NR4A1: variants seen among roughly 807,000 people sequenced by gnomAD.
NR4A1 encodes the protein nuclear receptor subfamily 4 group A member 1, also known as nuclear receptor subfamily 4immunitygroup A member 1.
A neutral mutation model predicts 47.5 loss-of-function variants in NR4A1; 24 were observed. The ratio of observed to expected loss-of-function variants is 0.50; its 90% CI spans 0.37 to 0.71. The LOEUF (loss-of-function observed/expected upper bound fraction) is 0.71, where lower values mean the gene tolerates loss of function less well. Ranked by LOEUF, NR4A1 falls within the 30% of genes least tolerant of loss-of-function variation. The pLI, the probability that NR4A1 is intolerant of heterozygous loss-of-function variation, is 0.00. For synonymous variants in NR4A1, 353 were observed against 345.7 expected (o/e 1.02, Z -0.24); for missense variants, 669 against 788.6 (o/e 0.85, Z 1.82).
chr12:52,026,161 G>A (rs1937995227), intron 1 of NR4A1, among the ~76,000 whole-genome samples: 1 of 152,272 alleles, frequency 6.6e-6, no homozygotes, highest in South Asian at 2.1e-4. Context: ...GCTCGCTCAC[G>A]CGTTTGCTGT....
At chr12:52,056,743 G>A (rs1939292612) in intron 4 of NR4A1, 98 bp downstream of exon 4, 2 of 790,940 alleles carry the variant, frequency 2.5e-6, no homozygotes, top group Non-Finnish European at 1.8e-6. Context: ...AGGACTGAAT[G>A]AGAAAGGAGG....
intron 1 of NR4A1, among the ~76,000 whole-genome samples, chr12:52,033,386 C>T (rs79591354): frequency 0.015 from 2,341 of 152,354 alleles, 69 homozygotes; most frequent in African/African-American, 0.053. Context: ...CTTCGTAAAT[C>T]ACGCAGGCCT....
chr12:52,044,596 A>G (rs1424493182), intron 2 of NR4A1, among the ~76,000 whole-genome samples: 2 of 152,256 alleles, frequency 1.3e-5, no homozygotes, highest in Non-Finnish European at 2.9e-5. Context: ...AAACGAATCC[A>G]GAGCCTGTGA....
Position 52,054,319 on chromosome 12 carries a change from C to G in NR4A1, c.-2-8C>G. On this transcript the variant is annotated splice_polypyrimidine_tract_variant and splice_region_variant and intron_variant, in intron 1 of 6. Coordinates refer to ENST00000394825, the MANE Select transcript of NR4A1 (RefSeq NM_173157.3). ...CCTTTCCCTCCCTGGGGTCTCCTCT[C>G]TCTCCAGAGATGCCCTGTATCCAAG... 2 of 1,593,574 alleles carry G rather than the reference C, an allele frequency of 1.3e-6. No individual in the cohort carries two copies. Among genetic ancestry groups the G allele is most frequent in the Non-Finnish European group, 1.7e-6 (2 of 1,167,584 alleles).
chr12:52,023,781 T>C lies in NR4A1; in HGVS notation c.-84+842T>C, dbSNP rs140866091. Among the ~76,000 whole-genome samples, 1,401 of 152,012 alleles carry C rather than the reference T, an allele frequency of 9.2e-3. 15 individuals are homozygous for C. The highest frequency in any genetic ancestry group is 0.032 in the African/African-American group (1,331 of 41,444). Reference sequence around the variant, plus strand: ...CTCGAACCCCAGCCTGCCGAGCCGCTCCTCACAGGGTGCTGTGGCTCCCCG... The same window carrying C: ...CTCGAACCCCAGCCTGCCGAGCCGCCCCTCACAGGGTGCTGTGGCTCCCCG... On this transcript the variant is annotated intron_variant, in intron 1 of 7. Transcript: ENST00000360284.
intron 1 of NR4A1, among the ~76,000 whole-genome samples, chr12:52,040,860 A>G (rs1330494091): frequency 2.0e-5 from 3 of 152,148 alleles, no homozygotes; most frequent in Admixed American, 2.0e-4. Context: ...GCAGTCCAAT[A>G]GCCAGTGAAG....
At chr12:52,054,161 G>A (rs1043817544) in intron 1 of NR4A1, 166 bp from the exon 2 acceptor site, 6 of 627,466 alleles carry the variant, frequency 9.6e-6, no homozygotes, top group Non-Finnish European at 1.7e-5. Context: ...TGGTACTCAG[G>A]CCAGGGGTCA....
At chr12:52,054,273 T>C in intron 1 of NR4A1, 54 bp from the exon 2 acceptor site, 2 of 1,473,476 alleles carry the variant, frequency 1.4e-6, no homozygotes, top group Non-Finnish European at 1.8e-6. Flanking sequence ...GACAAGGCTA[T>C]AGGCTTGTCC....
At chr12:52,047,452 A>C (rs1305066850), upstream of NR4A1, among the ~76,000 whole-genome samples, 2 of 152,210 alleles carry the variant, frequency 1.3e-5, no homozygotes, top group African/African-American at 4.8e-5. Context: ...GGGAACCTGC[A>C]TTGGTGGCCC....
intron 2 of NR4A1, chr12:52,042,033 A>T: frequency 6.1e-6 from 7 of 1,153,996 alleles, no homozygotes; most frequent in African/African-American, 3.2e-5. Context: ...AGGGGGATGG[A>T]GGGGAAGCCC....
intron 1 of NR4A1, among the ~76,000 whole-genome samples, chr12:52,032,963 C>T (rs539101505): frequency 9.2e-5 from 14 of 152,346 alleles, no homozygotes; most frequent in African/African-American, 1.2e-4. Flanking sequence ...GACGTCTATT[C>T]GCCTGCAGCA....
In NR4A1 at chr12:52,055,243, G is replaced by A. The variant is rs45564542; in HGVS notation, c.876+39G>A. On this transcript the variant is annotated intron_variant, in intron 2 of 6. Coordinates refer to ENST00000394825, the MANE Select transcript of NR4A1 (RefSeq NM_173157.3). Reference sequence around the variant, plus strand: ...CCAGGTGGGGCCTTTTGTTGGAAATGGAGAGAGGCTGGCCTCATCCCATTG... The same window carrying A: ...CCAGGTGGGGCCTTTTGTTGGAAATAGAGAGAGGCTGGCCTCATCCCATTG... 2.2e-3 allele frequency: 3,599 copies of A among 1,604,112 alleles called. 83 individuals carry two copies. In the African/African-American group the frequency reaches 0.043, roughly 19 times the overall value.
At chr12:52,034,778 C>T (rs1938202250) in intron 1 of NR4A1, among the ~76,000 whole-genome samples, 1 of 152,158 alleles carries the variant, frequency 6.6e-6, no homozygotes, top group African/African-American at 2.4e-5. Context: ...CCCAGTATTC[C>T]CAATAAACAT....
In NR4A1 at chr12:52,057,260, G is replaced by A; in HGVS notation, c.1361+1G>A. 6.2e-7 allele frequency: 1 copy of A among 1,613,606 alleles called. No individual in the cohort carries two copies. Among genetic ancestry groups the A allele is most frequent in the Non-Finnish European group, 8.5e-7 (1 of 1,179,806 alleles). On this transcript the variant is annotated splice_donor_variant, in intron 5 of 6. Coordinates refer to ENST00000394825, the MANE Select transcript of NR4A1 (RefSeq NM_173157.3). LOFTEE classifies it high-confidence loss of function. ...TCTTCATCCTCCGCCTGGCGTACAG[G>A]TGAGAGCCACTGACTGTCTGCCCAG...
At chr12:52,023,604 C>T (rs1277974408) in intron 1 of NR4A1, among the ~76,000 whole-genome samples, 1 of 151,896 alleles carries the variant, frequency 6.6e-6, no homozygotes, top group Non-Finnish European at 1.5e-5. Context: ...CAGACACGGG[C>T]GCCTCTGCAC....
intron 1 of NR4A1, among the ~76,000 whole-genome samples, chr12:52,052,322 AG>A (rs1237174837): frequency 6.6e-6 from 1 of 150,966 alleles, no homozygotes; most frequent in African/African-American, 2.5e-5. Context: ...AGAGAGAGAG[AG>A]AGAGAAAGAG....
upstream of NR4A1, among the ~76,000 whole-genome samples, chr12:52,046,910 CAGTGGGTGAAACAGTATGTGCAA>C (rs1277926211): frequency 6.6e-6 from 1 of 152,098 alleles, no homozygotes; most frequent in Non-Finnish European, 1.5e-5. Flanking sequence ...ACAGTATGCA[CAGTGGGTGAAACAGTATGTGCAA>C]AGTGGGTGGT....
intron 1 of NR4A1, among the ~76,000 whole-genome samples, chr12:52,040,949 T>G (rs1223933221): frequency 1.3e-5 from 2 of 151,644 alleles, no homozygotes; most frequent in Non-Finnish European, 2.9e-5. Context: ...AGGGGAGATG[T>G]GGGTCAAGGT....
intron 1 of NR4A1, among the ~76,000 whole-genome samples, chr12:52,032,628 G>A (rs961539842): frequency 3.9e-5 from 6 of 152,162 alleles, no homozygotes; most frequent in Non-Finnish European, 8.8e-5. Flanking sequence ...TTTGTTCTGT[G>A]CTGTGCTGTG....
Sources: gnomAD v4.1 joint callset for allele counts (sites outside exome capture counted in the v4.1 genomes callset) on GRCh38, gnomAD v4.1.1 for gene constraint, MANE v1.5 for transcripts, NCBI Gene and HGNC (gene_info 2026-07-23, HGNC 2026-07-21) for gene names.